KCNE1: variants seen among roughly 807,000 people sequenced by gnomAD.
KCNE1 encodes potassium voltage-gated channel subfamily E member 1.
KCNE1 carries 1 observed loss-of-function variant against 2.9 expected under a neutral mutation model. The ratio of observed to expected loss-of-function variants is 0.34; its 90% confidence interval spans 0.12 to 1.62. KCNE1 has a LOEUF of 1.62. KCNE1 is among the 40% of genes most tolerant of loss of function. KCNE1 has a pLI of 0.36. For synonymous variants in KCNE1, 23 were observed against 65.4 expected (o/e 0.35, Z 3.13); for missense variants, 45 against 150.5 (o/e 0.30, Z 3.67).
At chr21:34,499,331 A>G (rs1196992124) in intron 2 of KCNE1, among the ~76,000 whole-genome samples, 2 of 152,222 alleles carry the variant, frequency 1.3e-5, no homozygotes, top group Non-Finnish European at 2.9e-5. Flanking sequence ...TGAGAAAGCA[A>G]GCACAGCTTT....
intron 2 of KCNE1, among the ~76,000 whole-genome samples, chr21:34,496,327 C>A (rs1466043530): frequency 6.6e-6 from 1 of 152,176 alleles, no homozygotes; most frequent in Admixed American, 6.5e-5. Context: ...CCCGCCTTGG[C>A]CTCCCAAAGT....
chr21:34,502,524 G>T (rs1983228584), intron 2 of KCNE1, among the ~76,000 whole-genome samples: 1 of 152,168 alleles, frequency 6.6e-6, no homozygotes, highest in Non-Finnish European at 1.5e-5. Context: ...TATGGGTGTG[G>T]ACTTACGTTA....
chr21:34,505,618 G>C (rs1601103487), intron 2 of KCNE1, among the ~76,000 whole-genome samples: 1 of 152,168 alleles, frequency 6.6e-6, no homozygotes, highest in African/African-American at 2.4e-5. Context: ...AGGTCTTAGA[G>C]ACCTGAGCAG....
chr21:34,507,676 C>T (rs1057295863), intron 2 of KCNE1, among the ~76,000 whole-genome samples: 2 of 152,166 alleles, frequency 1.3e-5, no homozygotes, highest in African/African-American at 4.8e-5. Context: ...TCACATTCAG[C>T]TTACTGCAAT....
chr21:34,499,044 C>T (rs1982986816), intron 2 of KCNE1, among the ~76,000 whole-genome samples: 1 of 152,202 alleles, frequency 6.6e-6, no homozygotes, highest in East Asian at 1.9e-4. Context: ...TGTCTGGGCT[C>T]AGACTCTCCT....
In KCNE1 at chr21:34,511,274, G is replaced by A. The variant is rs1260007878; in HGVS notation, c.-335C>T. On this transcript the variant is annotated 5_prime_UTR_variant, in exon 2 of 4. Coordinates refer to ENST00000399286, the MANE Select transcript of KCNE1 (RefSeq NM_000219.6). ...TGAGCTCCAGGCCATGCCATTCAAC[G>A]CCCTCCAGGACAGGCCGAAGGGCTT... 7.1e-6 allele frequency: 7 copies of A among 985,326 alleles called. No individual in the cohort carries two copies. The highest frequency in any genetic ancestry group is 1.7e-5 in the African/African-American group (1 of 57,192). The allele number at this position is 985,326 out of a possible 1,614,324, so 61.0% of individuals were successfully genotyped here.
In KCNE1 at chr21:34,511,176, T is replaced by C. The variant is rs1983824378; in HGVS notation, c.-237A>G. ...TGGCAGCAGGCTCCTTCTCTTCAGG[T>C]GGTCTTAGGAACTTCTCAGAACTTT... is the stretch of plus-strand genomic sequence containing the variant. On this transcript the variant is annotated 5_prime_UTR_variant, in exon 2 of 4. Transcript: ENST00000399286. The C allele has an allele frequency of 1.0e-6, 1 of 985,690 alleles. No homozygotes were observed. The highest frequency in any genetic ancestry group is 1.7e-5 in the African/African-American group (1 of 57,360). 61.1% of individuals were successfully genotyped at this position (985,690 alleles called of 1,614,324 possible). A position where few individuals can be genotyped will look rare whatever the true frequency, so the allele number is the denominator to read the frequency against.
chr21:34,497,917 A>G (rs143598877), intron 2 of KCNE1, among the ~76,000 whole-genome samples: 2 of 151,724 alleles, frequency 1.3e-5, no homozygotes, highest in African/African-American at 4.8e-5. Flanking sequence ...GATTGGGTTC[A>G]TTCAAAAGTC....
rs1391606592 is a variant in KCNE1, at chr21:34,498,677, TTGTTA to T, written c.-162+12419_-162+12423del. Among the ~76,000 whole-genome samples the T allele has an allele frequency of 3.9e-5, 6 of 152,260 alleles. No homozygotes were observed. In the South Asian group the frequency reaches 6.2e-4, roughly 16 times the overall value. ...TTAGTGTGACGGCTTTCTCAAATGC[TTGTTA>T]TGTTAACAGTGAAGTTGTCACATGG... On this transcript the variant is annotated intron_variant, in intron 2 of 3. Coordinates refer to ENST00000399286, the MANE Select transcript of KCNE1 (RefSeq NM_000219.6).
intron 2 of KCNE1, among the ~76,000 whole-genome samples, chr21:34,504,279 T>C (rs1983344135): frequency 6.6e-6 from 1 of 152,196 alleles, no homozygotes; most frequent in Admixed American, 6.5e-5. Context: ...GATGAGACCC[T>C]TCCTCTCAAA....
intron 2 of KCNE1, among the ~76,000 whole-genome samples, chr21:34,503,057 A>C (rs919184662): frequency 6.6e-6 from 1 of 152,204 alleles, no homozygotes; most frequent in Non-Finnish European, 1.5e-5. Context: ...TCTGATGCTA[A>C]CTACCCAAAG....
At chr21:34,511,439 G>A in intron 1 of KCNE1, 124 bp from the exon 2 acceptor site, 1 of 287,188 alleles carries the variant, frequency 3.5e-6, no homozygotes, top group Non-Finnish European at 5.2e-6. Flanking sequence ...TCTCTCTCTT[G>A]TTCTCTCTCT....
At chr21:34,501,588 A>G (rs1183117300) in intron 2 of KCNE1, among the ~76,000 whole-genome samples, 3 of 152,228 alleles carry the variant, frequency 2.0e-5, no homozygotes, top group Non-Finnish European at 4.4e-5. Context: ...CAGGACCCTA[A>G]GGGCAGGATA....
chr21:34,496,220 C>A (rs1393906112), intron 2 of KCNE1, among the ~76,000 whole-genome samples: 1 of 152,052 alleles, frequency 6.6e-6, no homozygotes, highest in African/African-American at 2.4e-5. Flanking sequence ...ACTACAGGCG[C>A]CTGCCACCAC....
chr21:34,507,615 G>C (rs1983578216), intron 2 of KCNE1, among the ~76,000 whole-genome samples: 1 of 152,280 alleles, frequency 6.6e-6, no homozygotes, highest in Middle Eastern at 3.4e-3. Context: ...ACCCCAGAAT[G>C]TCCCTTGCAC....
chr21:34,498,440 G>A (rs910119460), intron 2 of KCNE1, among the ~76,000 whole-genome samples: 1 of 152,206 alleles, frequency 6.6e-6, no homozygotes, highest in African/African-American at 2.4e-5. Flanking sequence ...GGGGCTTCCT[G>A]GGAGCCAGAC....
chr21:34,496,290 G>T (rs922298164), intron 2 of KCNE1, among the ~76,000 whole-genome samples: 1 of 152,102 alleles, frequency 6.6e-6, no homozygotes, highest in Non-Finnish European at 1.5e-5. Flanking sequence ...AGCCAGGATG[G>T]TCTTGATCTC....
chr21:34,502,710 C>T (rs577954047), intron 2 of KCNE1, among the ~76,000 whole-genome samples: 46 of 152,288 alleles, frequency 3.0e-4, no homozygotes, highest in African/African-American at 9.6e-4. Flanking sequence ...ACTTACTGTC[C>T]GTTGTTCTCT....
At chr21:34,511,434 CTCTT>C in intron 1 of KCNE1, 119 bp from the exon 2 acceptor site, 1 of 296,296 alleles carries the variant, frequency 3.4e-6, no homozygotes. Context: ...GATTCTCTCT[CTCTT>C]GTTCTCTCTC....
Sources: allele counts gnomAD v4.1 joint callset (sites outside exome capture counted in the v4.1 genomes callset), GRCh38; gene constraint gnomAD v4.1.1; transcripts MANE v1.5; gene names NCBI Gene and HGNC (gene_info 2026-07-23, HGNC 2026-07-21).